Variants in GRAMD2A observed in about 807,000 individuals in gnomAD.
The protein encoded by GRAMD2A is GRAM domain-containing protein 2A.
GRAMD2A carries 37 observed loss-of-function variants against 51.1 expected under a neutral mutation model. That is an observed-to-expected ratio of 0.72 (90% CI 0.56 to 0.95). The LOEUF is 0.95. Ranked by LOEUF, GRAMD2A falls within the 40% of genes least tolerant of loss-of-function variation. The pLI, the probability that GRAMD2A is intolerant of heterozygous loss-of-function variation, is 0.00. For synonymous variants in GRAMD2A, 136 were observed against 157.1 expected (o/e 0.87, Z 1.01); for missense variants, 414 against 426.9 (o/e 0.97, Z 0.27).
chr15:72,168,993 C>T lies in GRAMD2A; in HGVS notation c.138G>A (p.Leu46=), dbSNP rs2081579704. 1 of 1,613,932 alleles carries T rather than the reference C, an allele frequency of 6.2e-7. No homozygotes were observed. The highest frequency in any genetic ancestry group is 1.3e-5 in the African/African-American group (1 of 74,942). The change falls in exon 3 of 12, where the codon CTG becomes CTA. Residue 46 remains leucine (L), a synonymous_variant. Coordinates refer to ENST00000309731, the MANE Select transcript of GRAMD2A (RefSeq NM_001012642.3). The part of the protein sequence containing the change: ...DRVEEPPDYS[L]HWPEGLKGEE... The stretch of plus-strand genomic sequence containing the variant: ...CACCCTTCAAGCCTTCTGGCCAGTG[C>T]AGACTGCAAAGGAGACATTCCATTT...
At position 72,168,980 on chromosome 15, in the gene GRAMD2A, C is replaced by A; in HGVS notation, c.151G>T (p.Gly51Cys). Residue 51 changes from glycine to cysteine, a missense_variant, in exon 3 of 12, where the codon GGC becomes TGC. Coordinates refer to ENST00000309731, the MANE Select transcript of GRAMD2A (RefSeq NM_001012642.3). ...TTCTTTATCTCTTCACCCTTCAAGCCTTCTGGCCAGTGCAGACTGCAAAGG... is the reference window on the plus strand; with the variant it reads ...TTCTTTATCTCTTCACCCTTCAAGCATTCTGGCCAGTGCAGACTGCAAAGG... Reference protein sequence around the residue: ...PPDYSLHWPEGLKGEEIKKCG... With the variant: ...PPDYSLHWPECLKGEEIKKCG... The A allele has an allele frequency of 6.2e-7, 1 of 1,614,220 alleles. No individual in the cohort carries two copies. The highest frequency in any genetic ancestry group is 8.5e-7 in the Non-Finnish European group (1 of 1,180,024).
At chr15:72,191,621 A>G (rs2081768845) in intron 1 of GRAMD2A, among the ~76,000 whole-genome samples, 1 of 152,254 alleles carries the variant, frequency 6.6e-6, no homozygotes, top group South Asian at 2.1e-4. Flanking sequence ...ATAATCATCA[A>G]TGGCTGCTAA....
At chr15:72,196,857 C>T (rs1239775581) in intron 1 of GRAMD2A, among the ~76,000 whole-genome samples, 2 of 152,184 alleles carry the variant, frequency 1.3e-5, no homozygotes, top group African/African-American at 2.4e-5. Context: ...GGGTCCACAT[C>T]CCTGTGTGTC....
chr15:72,180,459 CCTG>C (rs1409826497), intron 1 of GRAMD2A, among the ~76,000 whole-genome samples: 9 of 152,240 alleles, frequency 5.9e-5, no homozygotes, highest in Non-Finnish European at 1.2e-4. Flanking sequence ...TCCGGCCAGG[CCTG>C]CTAAGTGAGG....
intron 4 of GRAMD2A, 107 bp from the exon 5 acceptor site, chr15:72,167,946 C>T (rs1248030591): frequency 1.3e-6 from 1 of 749,464 alleles, no homozygotes; most frequent in Non-Finnish European, 2.4e-6. Context: ...CAGGACCTGT[C>T]TTCCTCAGAC....
chr15:72,197,080 G>C (rs2081810498), intron 1 of GRAMD2A, among the ~76,000 whole-genome samples: 1 of 152,200 alleles, frequency 6.6e-6, no homozygotes, highest in Admixed American at 6.5e-5. Context: ...TGCAGCGCCA[G>C]CTCCTGTCTG....
intron 1 of GRAMD2A, among the ~76,000 whole-genome samples, chr15:72,173,049 A>T (rs1039403209): frequency 1.3e-5 from 2 of 152,122 alleles, no homozygotes; most frequent in East Asian, 3.8e-4. Flanking sequence ...TGAAGGATGG[A>T]TGAGGGATAG....
intron 1 of GRAMD2A, among the ~76,000 whole-genome samples, chr15:72,172,173 C>T (rs1158591100): frequency 6.6e-6 from 1 of 151,916 alleles, no homozygotes; most frequent in Non-Finnish European, 1.5e-5. Flanking sequence ...GGCTACAGTA[C>T]AGTGGCGCAA....
intron 1 of GRAMD2A, among the ~76,000 whole-genome samples, chr15:72,195,187 GT>G (rs1412498567): frequency 6.6e-6 from 1 of 152,214 alleles, no homozygotes; most frequent in African/African-American, 2.4e-5. Flanking sequence ...GCTGCTAGAA[GT>G]GTCTAGTTAG....
Position 72,166,759 on chromosome 15 carries a change from G to A in GRAMD2A, c.472-56C>T, listed in dbSNP as rs1179986241. Reference sequence around the variant, plus strand: ...AGGGTGAGATGAGACTCCTTGCTGTGCCAGCCAGCCCCCTTGTGGATTGGG... The same window carrying A: ...AGGGTGAGATGAGACTCCTTGCTGTACCAGCCAGCCCCCTTGTGGATTGGG... On this transcript the variant is annotated intron_variant, in intron 6 of 11. Coordinates refer to ENST00000309731, the MANE Select transcript of GRAMD2A (RefSeq NM_001012642.3). This position sits in a 1 kb window ranked among gnomAD's most constrained non-coding sequence, Gnocchi z 4.1. The A allele has an allele frequency of 6.9e-7, 1 of 1,454,152 alleles. No individual in the cohort carries two copies. The highest frequency in any genetic ancestry group is 9.6e-7 in the Non-Finnish European group (1 of 1,039,916). The allele number at this position is 1,454,152 out of a possible 1,614,324, so 90.1% of individuals were successfully genotyped here.
At chr15:72,194,281 C>T (rs961813386) in intron 1 of GRAMD2A, among the ~76,000 whole-genome samples, 6 of 152,150 alleles carry the variant, frequency 3.9e-5, no homozygotes, top group African/African-American at 4.8e-5. Flanking sequence ...AATGCTACAC[C>T]GTTCTTGACT....
Position 72,163,724 on chromosome 15 carries a change from C to T in GRAMD2A, c.634G>A (p.Val212Ile). 1.9e-6 allele frequency: 3 copies of T among 1,609,588 alleles called. No homozygotes were observed. The highest frequency in any genetic ancestry group is 2.5e-6 in the Non-Finnish European group (3 of 1,178,844). The change falls in exon 9 of 12, where the codon GTA (valine) becomes ATA (isoleucine). Residue 212 changes from valine (V) to isoleucine (I), a missense_variant. By Grantham distance (29) the Val-to-Ile change is conservative. Transcript: ENST00000309731. ...GACAGGGACCTGGAGGAAGGGCATA[C>T]CTTTCTCCACTTCATCTCAGGGATG... Reference protein sequence around the residue: ...VLIPEMKWRKVCPSSRSLSLP... With the variant: ...VLIPEMKWRKICPSSRSLSLP...
intron 1 of GRAMD2A, among the ~76,000 whole-genome samples, chr15:72,186,474 G>A (rs2081734900): frequency 6.6e-6 from 1 of 151,992 alleles, no homozygotes; most frequent in Admixed American, 6.6e-5. Flanking sequence ...ACAGAAGCAT[G>A]CCACCACGCC....
chr15:72,186,537 T>A (rs1192505743), intron 1 of GRAMD2A, among the ~76,000 whole-genome samples: 1 of 152,038 alleles, frequency 6.6e-6, no homozygotes, highest in African/African-American at 2.4e-5. Context: ...GTTAGCCAGG[T>A]TGGTCTCAAT....
intron 1 of GRAMD2A, among the ~76,000 whole-genome samples, chr15:72,196,545 C>T (rs1473963574): frequency 1.3e-5 from 2 of 151,726 alleles, no homozygotes; most frequent in African/African-American, 4.8e-5. Flanking sequence ...GAAGGAGGGG[C>T]ATACTGACTC....
chr15:72,192,529 G>GA (rs1208078580), intron 1 of GRAMD2A, among the ~76,000 whole-genome samples: 2 of 151,948 alleles, frequency 1.3e-5, no homozygotes, highest in Non-Finnish European at 2.9e-5. Context: ...ACAGAAGAGA[G>GA]AAAAAAAATC....
chr15:72,179,803 T>C (rs537263876), intron 1 of GRAMD2A, among the ~76,000 whole-genome samples: 5 of 152,246 alleles, frequency 3.3e-5, no homozygotes, highest in Admixed American at 1.3e-4. Context: ...CCTTGAAGGA[T>C]ACCTAGAGGG....
At chr15:72,197,051 C>A (rs2140564751) in intron 1 of GRAMD2A, among the ~76,000 whole-genome samples, 1 of 152,346 alleles carries the variant, frequency 6.6e-6, no homozygotes, top group Middle Eastern at 3.4e-3. Flanking sequence ...CAGCAGAAAC[C>A]ACAATTCTGG....
At chr15:72,168,718 T>A in intron 3 of GRAMD2A, 152 bp from the exon 4 acceptor site, 1 of 758,704 alleles carries the variant, frequency 1.3e-6, no homozygotes, top group Non-Finnish European at 2.3e-6. Context: ...TATGGAGGGC[T>A]GTGTGCCAAG....
Sources: gnomAD v4.1 joint callset for allele counts (sites outside exome capture counted in the v4.1 genomes callset) on GRCh38, gnomAD v4.1.1 for gene constraint, Gnocchi (gnomAD v3.1) non-coding constraint, MANE v1.5 for transcripts, NCBI Gene and HGNC (gene_info 2026-07-23, HGNC 2026-07-21) for gene names.